CFAP299: variants seen among roughly 807,000 people sequenced by gnomAD.
CFAP299 encodes the protein cilia and flagella associated protein 299, also known as cilia- and flagella-associated protein 299.
Under a neutral mutation model 27.0 loss-of-function variants are expected in CFAP299, and 21 were observed. That is an observed-to-expected ratio of 0.78 (90% confidence interval 0.55 to 1.12). CFAP299 has a LOEUF of 1.12. Among genes scored for constraint, CFAP299 ranks in the 50% most tolerant of loss-of-function variants. The pLI, the probability that CFAP299 is intolerant of heterozygous loss-of-function variation, is 0.00. For missense variants in CFAP299, 310 were observed against 276.6 expected (o/e 1.12, Z -0.86); for synonymous variants, 104 against 98.1 (o/e 1.06, Z -0.36).
intron 2 of CFAP299, among the ~76,000 whole-genome samples, chr4:80,406,362 T>C (rs1436930384): frequency 6.6e-6 from 1 of 152,142 alleles, no homozygotes; most frequent in East Asian, 1.9e-4. Flanking sequence ...ACAAACCTTT[T>C]TTAAGTGTAA....
chr4:80,602,573 A>G (rs1737413131), intron 3 of CFAP299, among the ~76,000 whole-genome samples: 1 of 152,182 alleles, frequency 6.6e-6, no homozygotes, highest in African/African-American at 2.4e-5. Context: ...TAGCATAGAA[A>G]TTAAATATAG....
rs7684176 is a variant in CFAP299, at chr4:80,397,773, G to T, written c.242+34889G>T. On this transcript the variant is annotated intron_variant, in intron 2 of 5. Coordinates refer to ENST00000358105, the MANE Select transcript of CFAP299 (RefSeq NM_152770.3). The stretch of plus-strand genomic sequence containing the variant: ...CTGGAAGCATTCCCTTTGAAAACTG[G>T]CACAAGACAGGGATGCCCTTTCTCA... 7.1e-3 allele frequency among the ~76,000 whole-genome samples: 1,088 copies of T among 152,246 alleles called. 6 individuals carry two copies. Among genetic ancestry groups the T allele is most frequent in the African/African-American group, 0.025 (1,035 of 41,530 alleles).
chr4:80,630,351 TTTCTC>T (rs1407445830), intron 3 of CFAP299, among the ~76,000 whole-genome samples: 2 of 152,144 alleles, frequency 1.3e-5, no homozygotes, highest in African/African-American at 2.4e-5. Context: ...TCTGATAACT[TTTCTC>T]TTATCAGAAA....
chr4:80,706,005 C>T (rs1033896954), intron 3 of CFAP299, among the ~76,000 whole-genome samples: 2 of 151,886 alleles, frequency 1.3e-5, no homozygotes, highest in Middle Eastern at 3.4e-3. Flanking sequence ...TCTTCTACTG[C>T]TGCAATATTG....
chr4:80,646,990 T>A (rs748424124), intron 3 of CFAP299, among the ~76,000 whole-genome samples: 27 of 19,578 alleles, frequency 1.4e-3, no homozygotes, highest in Admixed American at 2.9e-3. Flanking sequence ...AGAGAGAGAG[T>A]GTGTGTGTGT....
chr4:80,624,804 T>C (rs1031666943), intron 3 of CFAP299, among the ~76,000 whole-genome samples: 1 of 152,010 alleles, frequency 6.6e-6, no homozygotes, highest in African/African-American at 2.4e-5. Context: ...CAGCAGAAAC[T>C]CTATAGTCCA....
At chr4:80,343,578 A>G (rs939709160) in intron 1 of CFAP299, among the ~76,000 whole-genome samples, 1 of 152,146 alleles carries the variant, frequency 6.6e-6, no homozygotes, top group Non-Finnish European at 1.5e-5. Context: ...TCATGAGGTC[A>G]GGAGATCGAG....
intron 4 of CFAP299, among the ~76,000 whole-genome samples, chr4:80,937,298 C>CTTTTTTT (rs1203322592): frequency 5.5e-4 from 52 of 94,290 alleles, no homozygotes; most frequent in African/African-American, 1.2e-3. Context: ...TTTCTTTTTT[C>CTTTTTTT]TTTTTTTTTC....
At chr4:80,604,856 A>G (rs912289951) in intron 3 of CFAP299, among the ~76,000 whole-genome samples, 17 of 150,688 alleles carry the variant, frequency 1.1e-4, no homozygotes, top group Admixed American at 5.3e-4. Flanking sequence ...ATGACTTTGT[A>G]TCAGACACTT....
chr4:80,337,341 A>T (rs1722201205), intron 1 of CFAP299, among the ~76,000 whole-genome samples: 1 of 152,230 alleles, frequency 6.6e-6, no homozygotes, highest in Non-Finnish European at 1.5e-5. Context: ...GTATGGACCT[A>T]AAACATTAAT....
At chr4:80,627,950 C>T (rs1261732684) in intron 3 of CFAP299, among the ~76,000 whole-genome samples, 1 of 151,976 alleles carries the variant, frequency 6.6e-6, no homozygotes, top group African/African-American at 2.4e-5. Context: ...TATCAAAATA[C>T]CAATAACATT....
intron 4 of CFAP299, among the ~76,000 whole-genome samples, chr4:80,925,635 A>G (rs886486379): frequency 6.6e-6 from 1 of 152,046 alleles, no homozygotes; most frequent in Non-Finnish European, 1.5e-5. Flanking sequence ...GTACAAGTGT[A>G]TAAGTGTCTA....
intron 3 of CFAP299, among the ~76,000 whole-genome samples, chr4:80,763,802 C>A (rs146386527): frequency 6.6e-6 from 1 of 152,096 alleles, no homozygotes; most frequent in Non-Finnish European, 1.5e-5. Flanking sequence ...AATAACAACA[C>A]GCATCTACAA....
upstream of CFAP299, among the ~76,000 whole-genome samples, chr4:80,332,819 T>C (rs527669423): frequency 3.1e-3 from 475 of 152,210 alleles, 4 homozygotes; most frequent in African/African-American, 0.011. Flanking sequence ...ATGTTCTGAT[T>C]GTTTGCCCAC....
chr4:80,527,294 G>T (rs967730962), intron 2 of CFAP299, among the ~76,000 whole-genome samples: 1 of 149,966 alleles, frequency 6.7e-6, no homozygotes, highest in African/African-American at 2.5e-5. Flanking sequence ...CATATTGGAG[G>T]TTTTTTTTTA....
intron 2 of CFAP299, among the ~76,000 whole-genome samples, chr4:80,373,630 C>A (rs1724261106): frequency 6.6e-6 from 1 of 152,134 alleles, no homozygotes; most frequent in Non-Finnish European, 1.5e-5. Flanking sequence ...GTTCTATAAA[C>A]CATCTTCATA....
chr4:80,581,488 A>ATATATATATG, intron 2 of CFAP299, among the ~76,000 whole-genome samples: 1 of 137,144 alleles, frequency 7.3e-6, no homozygotes, highest in Non-Finnish European at 1.6e-5. Context: ...ATATATATAT[A>ATATATATATG]TGACAAGCTG....
chr4:80,475,290 A>G (rs1474335363), intron 2 of CFAP299, among the ~76,000 whole-genome samples: 1 of 152,204 alleles, frequency 6.6e-6, no homozygotes, highest in Non-Finnish European at 1.5e-5. Flanking sequence ...TGTGCAGATT[A>G]TGGGGAGAAA....
chr4:80,729,971 C>T (rs913145576), intron 3 of CFAP299, among the ~76,000 whole-genome samples: 1 of 152,042 alleles, frequency 6.6e-6, no homozygotes, highest in Non-Finnish European at 1.5e-5. Context: ...CTGGATGTCT[C>T]CAGCTGGTGG....
Sources: allele counts gnomAD v4.1 joint callset (sites outside exome capture counted in the v4.1 genomes callset), GRCh38; gene constraint gnomAD v4.1.1; transcripts MANE v1.5; gene names NCBI Gene and HGNC (gene_info 2026-07-23, HGNC 2026-07-21).